SPSB1: variants seen among roughly 807,000 people sequenced by gnomAD.
SPSB1 encodes splA/ryanodine receptor domain and SOCS box containing 1.
In SPSB1, 8 loss-of-function variants were observed where a neutral mutation model predicts 21.2. The ratio of observed to expected loss-of-function variants is 0.38; its 90% CI spans 0.22 to 0.68. SPSB1 has a LOEUF of 0.68. Ranked by LOEUF, SPSB1 falls within the 30% of genes least tolerant of loss-of-function variation. The pLI is 0.53. For synonymous variants in SPSB1, 169 were observed against 161.7 expected, an observed-to-expected ratio of 1.05 and a Z score of -0.34; for missense variants, 242 against 377.8, an observed-to-expected ratio of 0.64 and a Z score of 2.98.
intron 1 of SPSB1, among the ~76,000 whole-genome samples, chr1:9,326,463 G>A (rs1010170857): frequency 2.0e-5 from 3 of 152,220 alleles, no homozygotes; most frequent in Non-Finnish European, 2.9e-5. Context: ...CATGACCAGA[G>A]GGAACAGGGA....
chr1:9,365,941 AAG>A (rs1640561949), intron 2 of SPSB1, among the ~76,000 whole-genome samples: 1 of 152,208 alleles, frequency 6.6e-6, no homozygotes, highest in Admixed American at 6.5e-5. Flanking sequence ...AAAGAGAGCA[AAG>A]AGGGGTCTGC....
intron 1 of SPSB1, among the ~76,000 whole-genome samples, chr1:9,338,975 G>C (rs1640047554): frequency 6.6e-6 from 1 of 152,206 alleles, no homozygotes; most frequent in African/African-American, 2.4e-5. Context: ...TCCCAGCAGT[G>C]AGGATCGAGT....
rs2100465004 is a variant in SPSB1 at position 9,305,949 on chromosome 1, A to G, written c.-150+12878A>G. ...ATGTGTGGCCAAAATGAGTGCAGAG[A>G]GGCAGGAGGGCCCACAGACCTGGGG... On this transcript the variant is annotated intron_variant, in intron 1 of 2. Coordinates refer to ENST00000328089, the MANE Select transcript of SPSB1 (RefSeq NM_025106.4). This position sits in a 1 kb window ranked among gnomAD's most constrained non-coding sequence, Gnocchi z 4.8. Among the ~76,000 whole-genome samples, 1 of 152,220 alleles carries G rather than the reference A, an allele frequency of 6.6e-6. No individual in the cohort carries two copies. Among genetic ancestry groups the G allele is most frequent in the East Asian group, 1.9e-4 (1 of 5,162 alleles).
chr1:9,301,677 C>T (rs551039925), intron 1 of SPSB1, among the ~76,000 whole-genome samples: 5 of 152,310 alleles, frequency 3.3e-5, no homozygotes, highest in African/African-American at 1.2e-4. Context: ...GGCTCAGGAA[C>T]AAAGTGGTCA....
intron 1 of SPSB1, among the ~76,000 whole-genome samples, chr1:9,309,337 T>C (rs1203452205): frequency 7.1e-6 from 1 of 140,026 alleles, no homozygotes; most frequent in African/African-American, 2.7e-5. Flanking sequence ...TGTGTGTGAG[T>C]GACAGATTCT....
rs576742651 is a variant in SPSB1 at position 9,333,651 on chromosome 1, C to T, written c.-149-22092C>T. On this transcript the variant is annotated intron_variant, in intron 1 of 2. Transcript: ENST00000328089. ...CGCCCTCCTTGTCAGCTTCCTGAAGCGCCTGCGGTGTGAGCCTGCTGTGAA... is the reference window on the plus strand; with the variant it reads ...CGCCCTCCTTGTCAGCTTCCTGAAGTGCCTGCGGTGTGAGCCTGCTGTGAA... 2.0e-4 allele frequency among the ~76,000 whole-genome samples: 31 copies of T among 152,266 alleles called. 1 individual carries two copies. The highest frequency in any genetic ancestry group is 6.0e-4 in the African/African-American group (25 of 41,550).
At chr1:9,361,159 T>TTTTTTTTTTTCTTTTTTTTC (rs1640468791) in intron 2 of SPSB1, among the ~76,000 whole-genome samples, 1 of 33,230 alleles carries the variant, frequency 3.0e-5, no homozygotes, top group African/African-American at 8.6e-5. Context: ...TCATTTTCTT[T>TTTTTTTTTTTCTTTTTTTTC]TTTTTTTTTT....
chr1:9,320,093 A>G (rs923135123), intron 1 of SPSB1, among the ~76,000 whole-genome samples: 6 of 152,192 alleles, frequency 3.9e-5, no homozygotes, highest in African/African-American at 1.4e-4. Context: ...GCAGGCCGCC[A>G]GGGACCCCAG....
In SPSB1 at chr1:9,325,873, C is replaced by T. The variant is rs188571760; in HGVS notation, c.-149-29870C>T. Among the ~76,000 whole-genome samples, 22 of 152,226 alleles carry T rather than the reference C, an allele frequency of 1.4e-4. No homozygotes were observed. In the East Asian group the frequency reaches 3.9e-3, roughly 27 times the overall value. On this transcript the variant is annotated intron_variant, in intron 1 of 2. Coordinates refer to ENST00000328089, the MANE Select transcript of SPSB1 (RefSeq NM_025106.4). ...ACCTGGGGCCTCAGGCCCGGTGTGC[C>T]CAGAGCCAGGCAGAGGACTTGGGAA...
chr1:9,325,193 C>T (rs1300552365), intron 1 of SPSB1, among the ~76,000 whole-genome samples: 1 of 151,578 alleles, frequency 6.6e-6, no homozygotes, highest in Non-Finnish European at 1.5e-5. Flanking sequence ...CTGTACTCCG[C>T]CCTCCGGCCT....
At chr1:9,352,958 G>A (rs957177633) in intron 1 of SPSB1, among the ~76,000 whole-genome samples, 1 of 103,904 alleles carries the variant, frequency 9.6e-6, no homozygotes, top group African/African-American at 2.7e-5. Context: ...TTGAGCGGCA[G>A]GGGGGCTGTG....
intron 2 of SPSB1, among the ~76,000 whole-genome samples, chr1:9,364,125 G>A (rs1261202298): frequency 1.3e-5 from 2 of 152,262 alleles, no homozygotes; most frequent in East Asian, 3.8e-4. Flanking sequence ...GGCTCTTGGA[G>A]CTTTCTCAGG....
intron 1 of SPSB1, among the ~76,000 whole-genome samples, chr1:9,338,911 C>G (rs1315372805): frequency 6.6e-6 from 1 of 152,216 alleles, no homozygotes; most frequent in Non-Finnish European, 1.5e-5. Context: ...GCGTGGACAC[C>G]CTGGCCCCAT....
chr1:9,294,028 C>CTGTG (rs60016245), intron 1 of SPSB1, among the ~76,000 whole-genome samples: 1 of 150,150 alleles, frequency 6.7e-6, no homozygotes, highest in African/African-American at 2.5e-5. Flanking sequence ...CTCTAAGTGA[C>CTGTG]TGTGTGTGTG....
In SPSB1 at chr1:9,363,082, A is replaced by G. The variant is rs185650914; in HGVS notation, c.695-4366A>G. Reference sequence around the variant, plus strand: ...GGAGAACTCCCTGGTACTGGTAGTGACCAGCTGAAATGGGGGCTGGGCATT... The same window carrying G: ...GGAGAACTCCCTGGTACTGGTAGTGGCCAGCTGAAATGGGGGCTGGGCATT... On this transcript the variant is annotated intron_variant, in intron 2 of 2. Transcript: ENST00000328089. The surrounding 1 kb of genome is among the most constrained non-coding windows in gnomAD (Gnocchi z 4.5). Among the ~76,000 whole-genome samples the G allele has an allele frequency of 6.6e-6, 1 of 152,084 alleles. No homozygotes were observed. Among genetic ancestry groups the G allele is most frequent in the Non-Finnish European group, 1.5e-5 (1 of 68,000 alleles).
At chr1:9,319,049 A>G (rs2100480161) in intron 1 of SPSB1, among the ~76,000 whole-genome samples, 1 of 151,982 alleles carries the variant, frequency 6.6e-6, no homozygotes, top group East Asian at 1.9e-4. Flanking sequence ...ATGGTGGCGC[A>G]CCCCTGTAAT....
At position 9,305,206 on chromosome 1, in the gene SPSB1, C is replaced by A. The variant is rs939943984; in HGVS notation, c.-150+12135C>A. 3.3e-5 allele frequency among the ~76,000 whole-genome samples: 5 copies of A among 152,192 alleles called. No homozygotes were observed. The highest frequency in any genetic ancestry group is 3.3e-4 in the Admixed American group (5 of 15,282). On this transcript the variant is annotated intron_variant, in intron 1 of 2. Transcript: ENST00000328089. The surrounding 1 kb of genome is among the most constrained non-coding windows in gnomAD (Gnocchi z 4.8). Reference sequence around the variant, plus strand: ...TCACACTCTTCATGCTGCCTGGTCCCGCCTCGGCTGGCCCGTTCCTACCGG... The same window carrying A: ...TCACACTCTTCATGCTGCCTGGTCCAGCCTCGGCTGGCCCGTTCCTACCGG...
chr1:9,311,799 C>T (rs1639525523), intron 1 of SPSB1, among the ~76,000 whole-genome samples: 1 of 151,964 alleles, frequency 6.6e-6, no homozygotes, highest in Admixed American at 6.6e-5. Context: ...TCTATTTTCT[C>T]CCTGAAAAGG....
chr1:9,302,396 G>T (rs1639349437), intron 1 of SPSB1, among the ~76,000 whole-genome samples: 1 of 152,170 alleles, frequency 6.6e-6, no homozygotes, highest in Admixed American at 6.5e-5. Flanking sequence ...TGCCCCAGAT[G>T]TGTCTGTGAG....
Sources: allele counts gnomAD v4.1 joint callset (sites outside exome capture counted in the v4.1 genomes callset), GRCh38; gene constraint gnomAD v4.1.1; non-coding constraint Gnocchi (gnomAD v3.1); transcripts MANE v1.5; gene names NCBI Gene and HGNC (gene_info 2026-07-23, HGNC 2026-07-21).